Variants in PRKCA observed in about 807,000 individuals in gnomAD.
PRKCA encodes the protein protein kinase C alpha, also known as protein kinase C alpha type.
PRKCA carries 27 observed loss-of-function variants against 87.0 expected under a neutral mutation model. The ratio of observed to expected loss-of-function variants is 0.31; its 90% CI spans 0.23 to 0.43. The LOEUF (loss-of-function observed/expected upper bound fraction) is 0.43, where lower values mean the gene tolerates loss of function less well. Ranked by LOEUF, PRKCA falls within the 20% of genes least tolerant of loss-of-function variation. PRKCA has a pLI of 1.00. For synonymous variants in PRKCA, 329 were observed against 311.1 expected (o/e 1.06, Z -0.61); for missense variants, 518 against 852.3 (o/e 0.61, Z 4.88).
At chr17:66,708,241 A>G (rs988027335) in intron 8 of PRKCA, among the ~76,000 whole-genome samples, 1 of 152,162 alleles carries the variant, frequency 6.6e-6, no homozygotes, top group South Asian at 2.1e-4. Context: ...AGTGGTTAAC[A>G]TTTGGCACTA....
At chr17:66,775,487 A>G (rs1233890478) in intron 14 of PRKCA, 1 of 984,920 alleles carries the variant, frequency 1.0e-6, no homozygotes, top group Non-Finnish European at 1.2e-6. Context: ...AGGCTTGGTA[A>G]TCACGAAGCA....
intron 3 of PRKCA, among the ~76,000 whole-genome samples, chr17:66,632,582 G>GT (rs1971051959): frequency 6.6e-6 from 1 of 151,904 alleles, no homozygotes; most frequent in Non-Finnish European, 1.5e-5. Flanking sequence ...GTCTCGTTAT[G>GT]TTGCCCCAGC....
intron 5 of PRKCA, among the ~76,000 whole-genome samples, chr17:66,662,240 T>C (rs1197752432): frequency 6.6e-6 from 1 of 152,180 alleles, no homozygotes; most frequent in East Asian, 1.9e-4. Context: ...CTCTCTTCCG[T>C]CCAAACGAAA....
At chr17:66,513,603 G>A (rs552795252) in intron 3 of PRKCA, among the ~76,000 whole-genome samples, 9 of 152,086 alleles carry the variant, frequency 5.9e-5, no homozygotes, top group African/African-American at 1.7e-4. Flanking sequence ...TATCGACTTG[G>A]GATCAGTGTC....
At chr17:66,502,835 A>G (rs1251821957) in intron 3 of PRKCA, among the ~76,000 whole-genome samples, 1 of 149,320 alleles carries the variant, frequency 6.7e-6, no homozygotes, top group African/African-American at 2.5e-5. Context: ...TTTTTTTTGT[A>G]TTTTTAGTAG....
At chr17:66,605,544 A>G (rs1970179653) in intron 3 of PRKCA, among the ~76,000 whole-genome samples, 1 of 152,234 alleles carries the variant, frequency 6.6e-6, no homozygotes, top group Non-Finnish European at 1.5e-5. Flanking sequence ...AGTATTTGGC[A>G]GTCACTCAAA....
intron 3 of PRKCA, among the ~76,000 whole-genome samples, chr17:66,622,586 C>A (rs772927252): frequency 1.3e-5 from 2 of 152,198 alleles, no homozygotes; most frequent in Non-Finnish European, 2.9e-5. Context: ...TAGAGTAACA[C>A]TTGTTGGGTA....
At chr17:66,496,179 T>C in intron 2 of PRKCA, 22 bp from the exon 3 acceptor site, 3 of 1,581,792 alleles carry the variant, frequency 1.9e-6, no homozygotes, top group Non-Finnish European at 2.6e-6. Context: ...ATTCTAATTT[T>C]AGTTTCCTTT....
intron 2 of PRKCA, among the ~76,000 whole-genome samples, chr17:66,405,681 T>C (rs576380449): frequency 4.7e-4 from 71 of 152,306 alleles, no homozygotes; most frequent in Non-Finnish European, 8.2e-4. Flanking sequence ...TCTCTAAGGG[T>C]TTATAATCCA....
chr17:66,449,397 TA>T (rs35328720), intron 2 of PRKCA, among the ~76,000 whole-genome samples: 7,179 of 149,548 alleles, frequency 0.048, 237 homozygotes, highest in Admixed American at 0.12. Flanking sequence ...ATATTGCCTT[TA>T]AAAAAAAAAG....
At chr17:66,662,114 A>G (rs1298126383) in intron 5 of PRKCA, among the ~76,000 whole-genome samples, 1 of 152,270 alleles carries the variant, frequency 6.6e-6, no homozygotes, top group Non-Finnish European at 1.5e-5. Context: ...GAGAAAAGCA[A>G]GGTACCTTTT....
rs1240055655 is a variant in PRKCA at position 66,806,169 on chromosome 17, G to A, written c.*2132G>A. On this transcript the variant is annotated 3_prime_UTR_variant, in exon 17 of 17. Coordinates refer to ENST00000413366, the MANE Select transcript of PRKCA (RefSeq NM_002737.3). ...GAAAGTAGCTGTCAGTCCTTGTAGA[G>A]AGCCGCTCTGTTTCCTCCCAGAAGC... The A allele has an allele frequency of 6.6e-6, 1 of 152,230 alleles. No homozygotes were observed. Among genetic ancestry groups the A allele is most frequent in the African/African-American group, 2.4e-5 (1 of 41,444 alleles). 9.4% of individuals were successfully genotyped at this position (152,230 alleles called of 1,614,324 possible).
At chr17:66,776,377 C>T (rs1472610456) in intron 14 of PRKCA, among the ~76,000 whole-genome samples, 1 of 152,122 alleles carries the variant, frequency 6.6e-6, no homozygotes, top group Non-Finnish European at 1.5e-5. Context: ...GTGGCGCGAT[C>T]TCAGCTCACT....
At chr17:66,633,230 G>A (rs1408773185) in intron 3 of PRKCA, among the ~76,000 whole-genome samples, 2 of 151,876 alleles carry the variant, frequency 1.3e-5, no homozygotes, top group African/African-American at 4.8e-5. Context: ...CAACCACCCT[G>A]ATCATATGAC....
intron 2 of PRKCA, among the ~76,000 whole-genome samples, chr17:66,333,103 A>G (rs578192276): frequency 2.0e-5 from 3 of 152,300 alleles, no homozygotes; most frequent in South Asian, 2.1e-4. Flanking sequence ...TTCCTTTACA[A>G]CCATTTGACC....
intron 2 of PRKCA, among the ~76,000 whole-genome samples, chr17:66,313,553 C>T (rs994626629): frequency 3.9e-5 from 6 of 152,122 alleles, no homozygotes; most frequent in Non-Finnish European, 8.8e-5. Context: ...AAGAGTGTAT[C>T]ATGGGCTATA....
chr17:66,303,828 C>T (rs967774707), intron 1 of PRKCA, among the ~76,000 whole-genome samples: 1 of 152,004 alleles, frequency 6.6e-6, no homozygotes, highest in Non-Finnish European at 1.5e-5. Context: ...CATGGTGAAA[C>T]CCCGTCTACT....
At position 66,418,737 on chromosome 17, in the gene PRKCA, G is replaced by A. The variant is rs566021611; in HGVS notation, c.206-77464G>A. On this transcript the variant is annotated intron_variant, in intron 2 of 16. Coordinates refer to ENST00000413366, the MANE Select transcript of PRKCA (RefSeq NM_002737.3). ...AGGCACGAGCCACTGCTCCCAGCCG[G>A]TTTCAGCGTTTTTCTTTGTTTGTTT... 6.0e-5 allele frequency among the ~76,000 whole-genome samples: 9 copies of A among 150,920 alleles called. No individual in the cohort carries two copies. In the South Asian group the frequency reaches 1.5e-3, roughly 25 times the overall value.
chr17:66,399,646 A>T (rs942037937), intron 2 of PRKCA, among the ~76,000 whole-genome samples: 1 of 152,122 alleles, frequency 6.6e-6, no homozygotes, highest in African/African-American at 2.4e-5. Context: ...GGCAGTTACT[A>T]TTCTACTTTG....
Sources: allele counts gnomAD v4.1 joint callset (sites outside exome capture counted in the v4.1 genomes callset), GRCh38; gene constraint gnomAD v4.1.1; transcripts MANE v1.5; gene names NCBI Gene and HGNC (gene_info 2026-07-23, HGNC 2026-07-21).